TBC1D8: variants seen among roughly 807,000 people sequenced by gnomAD.
TBC1D8 encodes BUB2-like protein 1.
A neutral mutation model predicts 118.8 loss-of-function variants in TBC1D8; 65 were observed. The observed-to-expected ratio is 0.55, with a 90% confidence interval of 0.45 to 0.67. TBC1D8 has a LOEUF of 0.67. Among genes scored for constraint, TBC1D8 ranks in the 30% least tolerant of loss-of-function variants. TBC1D8 has a pLI of 0.00. For missense variants in TBC1D8, 1,376 were observed against 1,471.2 expected (o/e 0.94, Z 1.06); for synonymous variants, 566 against 595.8 (o/e 0.95, Z 0.73).
At chr2:101,128,703 G>GAATA (rs1165297960) in intron 1 of TBC1D8, among the ~76,000 whole-genome samples, 1 of 152,142 alleles carries the variant, frequency 6.6e-6, no homozygotes, top group African/African-American at 2.4e-5. Context: ...GTCCCTCAAT[G>GAATA]AATAAATGAA....
At chr2:101,040,112 A>G in intron 6 of TBC1D8, 66 bp downstream of exon 6, 1 of 1,555,532 alleles carries the variant, frequency 6.4e-7, no homozygotes, top group East Asian at 2.3e-5. Flanking sequence ...TCCATCTCAC[A>G]GCCAGCAACC....
At chr2:101,072,368 GAGA>G (rs969061890) in intron 2 of TBC1D8, among the ~76,000 whole-genome samples, 3 of 152,140 alleles carry the variant, frequency 2.0e-5, no homozygotes, top group East Asian at 3.9e-4. Context: ...AGGAGAGAGA[GAGA>G]AGGAGAGAGA....
At chr2:101,068,167 T>C (rs1683120315) in intron 2 of TBC1D8, among the ~76,000 whole-genome samples, 1 of 152,216 alleles carries the variant, frequency 6.6e-6, no homozygotes. Flanking sequence ...CTCAAAGTCA[T>C]CCACGAGGAT....
intron 1 of TBC1D8, among the ~76,000 whole-genome samples, chr2:101,105,872 C>G (rs1677175347): frequency 6.6e-6 from 1 of 151,922 alleles, no homozygotes; most frequent in African/African-American, 2.4e-5. Context: ...AGGTATTTAC[C>G]CAACTGACGT....
chr2:101,142,877 T>C (rs997574807), intron 1 of TBC1D8, among the ~76,000 whole-genome samples: 2 of 152,076 alleles, frequency 1.3e-5, no homozygotes, highest in African/African-American at 2.4e-5. Flanking sequence ...TAGGATATAC[T>C]CTTATTTTTT....
intron 4 of TBC1D8, among the ~76,000 whole-genome samples, chr2:101,051,913 G>A (rs1314407316): frequency 6.6e-6 from 1 of 152,238 alleles, no homozygotes; most frequent in Non-Finnish European, 1.5e-5. Flanking sequence ...CTTGCCAGCT[G>A]TTGGTCAAAA....
At chr2:101,015,525 T>G (rs1039766182) in intron 17 of TBC1D8, among the ~76,000 whole-genome samples, 27 of 152,226 alleles carry the variant, frequency 1.8e-4, no homozygotes, top group African/African-American at 5.8e-4. Flanking sequence ...ACAAACACAT[T>G]GTACAGCTGT....
intron 10 of TBC1D8, 181 bp from the exon 11 acceptor site, chr2:101,032,566 G>A (rs1680735334): frequency 1.8e-6 from 1 of 552,574 alleles, no homozygotes; most frequent in East Asian, 2.9e-5. Flanking sequence ...AGTCCTCACA[G>A]GACACGCCCA....
At chr2:101,139,459 G>A (rs777769892) in intron 1 of TBC1D8, among the ~76,000 whole-genome samples, 9 of 152,042 alleles carry the variant, frequency 5.9e-5, no homozygotes, top group Non-Finnish European at 7.4e-5. Context: ...TGTGGCTGAG[G>A]TCTCCAAGGT....
intron 6 of TBC1D8, among the ~76,000 whole-genome samples, chr2:101,038,984 G>A (rs1681213321): frequency 6.6e-6 from 1 of 152,170 alleles, no homozygotes; most frequent in South Asian, 2.1e-4. Flanking sequence ...CACAAATATT[G>A]TATGAATCCA....
At chr2:101,043,145 TG>T (rs1558648117) in intron 5 of TBC1D8, among the ~76,000 whole-genome samples, 1 of 152,200 alleles carries the variant, frequency 6.6e-6, no homozygotes, top group Non-Finnish European at 1.5e-5. Context: ...GTCCAGTTCC[TG>T]GGGGCCAAAG....
At chr2:101,082,134 G>A (rs567398231) in intron 2 of TBC1D8, among the ~76,000 whole-genome samples, 29 of 152,276 alleles carry the variant, frequency 1.9e-4, no homozygotes, top group South Asian at 1.9e-3. Flanking sequence ...GTGAGACTCC[G>A]TCTCAAAAAA....
chr2:101,126,244 G>A (rs1479518714), intron 1 of TBC1D8, among the ~76,000 whole-genome samples: 1 of 152,166 alleles, frequency 6.6e-6, no homozygotes, highest in East Asian at 1.9e-4. Flanking sequence ...TCATGAGTAT[G>A]GCACCAAGAC....
chr2:101,033,473 T>C, intron 10 of TBC1D8, 71 bp downstream of exon 10: 1 of 1,581,702 alleles, frequency 6.3e-7, no homozygotes. Flanking sequence ...GGAATGCAAA[T>C]GAAACCCTGG....
At chr2:101,122,456 G>T (rs1678174374) in intron 1 of TBC1D8, among the ~76,000 whole-genome samples, 1 of 148,628 alleles carries the variant, frequency 6.7e-6, no homozygotes, top group South Asian at 2.1e-4. Context: ...TTAACTGTGG[G>T]ATTATGAGTT....
chr2:101,030,693 C>T (rs1475985714), intron 11 of TBC1D8, among the ~76,000 whole-genome samples: 1 of 152,190 alleles, frequency 6.6e-6, no homozygotes, highest in Non-Finnish European at 1.5e-5. Context: ...CATAAAAAGA[C>T]TTATATGACT....
At chr2:101,068,561 C>CT in intron 2 of TBC1D8, 1 of 556,790 alleles carries the variant, frequency 1.8e-6, no homozygotes, top group Non-Finnish European at 3.3e-6. Context: ...CTTAAAATCT[C>CT]TGACTCTGGT....
At chr2:101,059,664 G>C (rs569022197) in intron 2 of TBC1D8, 125 bp from the exon 3 acceptor site, 1 of 783,638 alleles carries the variant, frequency 1.3e-6, no homozygotes, top group Non-Finnish European at 2.0e-6. Context: ...GCCTTGGCCA[G>C]GCGCAGTGGC....
chr2:101,111,343 C>A (rs1677572267), intron 1 of TBC1D8, among the ~76,000 whole-genome samples: 1 of 152,162 alleles, frequency 6.6e-6, no homozygotes, highest in African/African-American at 2.4e-5. Flanking sequence ...GCAGGATGCT[C>A]CGGCGGTGGC....
Sources: gnomAD v4.1 joint callset for allele counts (sites outside exome capture counted in the v4.1 genomes callset) on GRCh38, gnomAD v4.1.1 for gene constraint, MANE v1.5 for transcripts, NCBI Gene and HGNC (gene_info 2026-07-23, HGNC 2026-07-21) for gene names.